Variants in SLC24A3 observed in about 807,000 individuals in gnomAD.
SLC24A3 encodes the protein sodium/potassium/calcium exchanger 3.
SLC24A3 carries 28 observed loss-of-function variants against 75.8 expected under a neutral mutation model. The observed-to-expected ratio is 0.37, with a 90% CI of 0.27 to 0.51. SLC24A3 has a LOEUF of 0.51. Ranked by LOEUF, SLC24A3 falls within the 20% of genes least tolerant of loss-of-function variation. SLC24A3 has a pLI of 0.94. For missense variants in SLC24A3, 663 were observed against 847.8 expected (o/e 0.78, Z 2.71); for synonymous variants, 372 against 334.1 (o/e 1.11, Z -1.24).
intron 3 of SLC24A3, 46 bp downstream of exon 3, chr20:19,515,610 C>A: frequency 6.2e-7 from 1 of 1,600,670 alleles, no homozygotes; most frequent in African/African-American, 1.3e-5. Context: ...ATAGGCTAGG[C>A]CTAGGGGTGT....
chr20:19,396,155 G>T (rs1284674372), intron 2 of SLC24A3, among the ~76,000 whole-genome samples: 1 of 152,208 alleles, frequency 6.6e-6, no homozygotes, highest in East Asian at 1.9e-4. Context: ...ATTTCTAATG[G>T]GTATACAAGT....
chr20:19,678,787 G>T (rs1482922288), intron 9 of SLC24A3, among the ~76,000 whole-genome samples: 1 of 150,236 alleles, frequency 6.7e-6, no homozygotes, highest in African/African-American at 2.5e-5. Context: ...CTTCTCAGAC[G>T]GGGCGGTTGC....
intron 1 of SLC24A3, among the ~76,000 whole-genome samples, chr20:19,274,551 A>G (rs1458276466): frequency 6.6e-6 from 1 of 151,974 alleles, no homozygotes; most frequent in East Asian, 1.9e-4. Flanking sequence ...GGGGGCTGCA[A>G]CCTCTCCACA....
At chr20:19,285,477 C>CAAAAAA (rs35866612) in intron 2 of SLC24A3, among the ~76,000 whole-genome samples, 3 of 43,038 alleles carry the variant, frequency 7.0e-5, no homozygotes, top group African/African-American at 9.2e-5. Context: ...GACCCTGTCT[C>CAAAAAA]AAAAAAAAAA....
chr20:19,526,574 C>T (rs1313223606), intron 3 of SLC24A3, among the ~76,000 whole-genome samples: 2 of 152,158 alleles, frequency 1.3e-5, no homozygotes, highest in Non-Finnish European at 2.9e-5. Flanking sequence ...CAAAATTTAG[C>T]TCTACCAACA....
chr20:19,552,285 C>T (rs750463885), intron 3 of SLC24A3, among the ~76,000 whole-genome samples: 2 of 152,160 alleles, frequency 1.3e-5, no homozygotes, highest in Non-Finnish European at 2.9e-5. Flanking sequence ...CCCACATTCC[C>T]AAATCACCAA....
chr20:19,498,849 C>T (rs144328543), intron 2 of SLC24A3, among the ~76,000 whole-genome samples: 65 of 152,296 alleles, frequency 4.3e-4, no homozygotes, highest in African/African-American at 1.5e-3. Flanking sequence ...AAATGTTTTG[C>T]GTGACTTCCT....
intron 1 of SLC24A3, among the ~76,000 whole-genome samples, chr20:19,275,686 G>A (rs2122216789): frequency 6.6e-6 from 1 of 152,242 alleles, no homozygotes; most frequent in East Asian, 1.9e-4. Flanking sequence ...AAAAGGGTGA[G>A]CACACAGCTC....
chr20:19,649,480 C>T (rs1284916675), intron 6 of SLC24A3, among the ~76,000 whole-genome samples: 1 of 152,186 alleles, frequency 6.6e-6, no homozygotes, highest in Non-Finnish European at 1.5e-5. Context: ...CCTTCCATAT[C>T]TACATTCCTA....
At chr20:19,308,250 G>C (rs990096) in intron 2 of SLC24A3, among the ~76,000 whole-genome samples, 23,625 of 152,172 alleles carry the variant, frequency 0.16, 4,481 homozygotes, top group African/African-American at 0.43. Flanking sequence ...GTCTCTAGTG[G>C]TATATTGACC....
At chr20:19,583,637 C>A (rs1199306339) in intron 4 of SLC24A3, among the ~76,000 whole-genome samples, 1 of 152,150 alleles carries the variant, frequency 6.6e-6, no homozygotes, top group Non-Finnish European at 1.5e-5. Context: ...GGTTTGGATG[C>A]CACAACTAAT....
intron 2 of SLC24A3, among the ~76,000 whole-genome samples, chr20:19,296,073 G>C (rs1354392712): frequency 6.6e-6 from 1 of 151,968 alleles, no homozygotes; most frequent in Non-Finnish European, 1.5e-5. Context: ...ACTTATTCCC[G>C]GTTCAATCTT....
chr20:19,359,635 C>T (rs1024760307), intron 2 of SLC24A3, among the ~76,000 whole-genome samples: 9 of 152,204 alleles, frequency 5.9e-5, no homozygotes, highest in Non-Finnish European at 1.2e-4. Flanking sequence ...AGTCCCCAGC[C>T]CCAGGTGCCT....
chr20:19,706,806 T>C (rs2032935549), intron 15 of SLC24A3, among the ~76,000 whole-genome samples: 1 of 152,124 alleles, frequency 6.6e-6, no homozygotes, highest in African/African-American at 2.4e-5. Flanking sequence ...TGGCAACAAG[T>C]TCAGCTACGG....
intron 3 of SLC24A3, among the ~76,000 whole-genome samples, chr20:19,545,138 T>G (rs966795989): frequency 1.3e-5 from 2 of 152,140 alleles, no homozygotes; most frequent in Non-Finnish European, 2.9e-5. Flanking sequence ...GAAGGAGAAG[T>G]GGGACATAAA....
At chr20:19,219,160 T>A (rs1304456958) in intron 1 of SLC24A3, among the ~76,000 whole-genome samples, 2 of 152,220 alleles carry the variant, frequency 1.3e-5, no homozygotes, top group South Asian at 2.1e-4. Context: ...GCTTCAGGTT[T>A]CCTAGGATTC....
intron 3 of SLC24A3, among the ~76,000 whole-genome samples, chr20:19,520,656 A>G (rs1349832181): frequency 6.6e-6 from 1 of 152,142 alleles, no homozygotes; most frequent in Non-Finnish European, 1.5e-5. Context: ...AGGACCATTA[A>G]CATCACTCCT....
In SLC24A3 at chr20:19,447,729, A is replaced by C. The variant is rs190641801; in HGVS notation, c.272-67759A>C. Among the ~76,000 whole-genome samples, 4 of 152,290 alleles carry C rather than the reference A, an allele frequency of 2.6e-5. No homozygotes were observed. In the East Asian group the frequency reaches 7.7e-4, roughly 29 times the overall value. ...ATGATGGTTGTTCCTCTGTGAAGCT[A>C]TACCAGGATGCCCCATAGATAGATG... is the stretch of plus-strand genomic sequence containing the variant. On this transcript the variant is annotated intron_variant, in intron 2 of 16. Transcript: ENST00000328041.
chr20:19,717,622 G>C (rs1423137197), intron 16 of SLC24A3, 29 bp downstream of exon 16: 44 of 1,613,432 alleles, frequency 2.7e-5, no homozygotes, highest in Non-Finnish European at 3.6e-5. Flanking sequence ...CCTCGTACTT[G>C]TGTTTGCCTG....
Sources: gnomAD v4.1 joint callset for allele counts (sites outside exome capture counted in the v4.1 genomes callset) on GRCh38, gnomAD v4.1.1 for gene constraint, MANE v1.5 for transcripts, NCBI Gene and HGNC (gene_info 2026-07-23, HGNC 2026-07-21) for gene names.